The following GRAMD4 variants were observed in gnomAD, a reference collection of about 807,000 sequenced individuals.
GRAMD4 encodes the protein GRAM domain containing 4, also known as GRAM domain-containing protein 4.
A neutral mutation model predicts 83.9 loss-of-function variants in GRAMD4; 25 were observed. That is an observed-to-expected ratio of 0.30 (90% CI 0.22 to 0.42). GRAMD4 has a LOEUF of 0.42. Among genes scored for constraint, GRAMD4 ranks in the 10% least tolerant of loss-of-function variants. The probability of loss-of-function intolerance (pLI) is 1.00; values close to 1 mark genes in which losing one functional copy is unlikely to be tolerated. For synonymous variants in GRAMD4, 336 were observed against 320.9 expected, an observed-to-expected ratio of 1.05 and a Z score of -0.50; for missense variants, 593 against 788.7, an observed-to-expected ratio of 0.75 and a Z score of 2.97.
intron 1 of GRAMD4, among the ~76,000 whole-genome samples, chr22:46,614,103 G>C (rs150302568): frequency 6.6e-6 from 1 of 152,338 alleles, no homozygotes; most frequent in African/African-American, 2.4e-5. Context: ...CTTGCAGTTA[G>C]ATCAATTATG....
chr22:46,623,165 C>T (rs1337344506), intron 1 of GRAMD4, among the ~76,000 whole-genome samples: 1 of 152,062 alleles, frequency 6.6e-6, no homozygotes, highest in East Asian at 1.9e-4. Flanking sequence ...CATCCCTTTA[C>T]AAGGACGGGG....
At position 46,622,413 on chromosome 22, in the gene GRAMD4, T is replaced by C. The variant is rs539586909; in HGVS notation, c.-50+1848T>C. On this transcript the variant is annotated intron_variant, in intron 1 of 18. Coordinates refer to ENST00000406902, the MANE Select transcript of GRAMD4 (RefSeq NM_015124.5). This position sits in a 1 kb window ranked among gnomAD's most constrained non-coding sequence, Gnocchi z 4.0. ...CCGGGTTTTTGAAAATGGAAGGAAG[T>C]AGGTTTTACATTGCTACACTTCCCC... Among the ~76,000 whole-genome samples the C allele has an allele frequency of 6.6e-6, 1 of 152,158 alleles. No homozygotes were observed. The highest frequency in any genetic ancestry group is 2.1e-4 in the South Asian group (1 of 4,814).
intron 2 of GRAMD4, among the ~76,000 whole-genome samples, chr22:46,632,024 C>A (rs1195492522): frequency 6.6e-6 from 1 of 152,252 alleles, no homozygotes; most frequent in Non-Finnish European, 1.5e-5. Context: ...TGTGTCTTTT[C>A]ATCTCTGGCC....
intron 1 of GRAMD4, among the ~76,000 whole-genome samples, chr22:46,594,251 G>A (rs2081238434): frequency 6.6e-6 from 1 of 151,786 alleles, no homozygotes; most frequent in African/African-American, 2.4e-5. Context: ...TTCTCTGCCT[G>A]GGTCCACACT....
At chr22:46,636,871 A>G (rs1162846116) in intron 2 of GRAMD4, among the ~76,000 whole-genome samples, 1 of 152,002 alleles carries the variant, frequency 6.6e-6, no homozygotes, top group East Asian at 1.9e-4. Flanking sequence ...GTAGCCTGTA[A>G]CTCGAGCCCG....
At chr22:46,654,583 G>A (rs1429059434) in intron 3 of GRAMD4, among the ~76,000 whole-genome samples, 2 of 152,220 alleles carry the variant, frequency 1.3e-5, no homozygotes, top group African/African-American at 4.8e-5. Context: ...GCAGGGGGTG[G>A]GGTTTGTGGA....
At chr22:46,630,997 C>T (rs978179249) in intron 2 of GRAMD4, among the ~76,000 whole-genome samples, 1 of 152,170 alleles carries the variant, frequency 6.6e-6, no homozygotes, top group East Asian at 1.9e-4. Context: ...TGTGCCCCCA[C>T]CCCGGCCTCC....
intron 3 of GRAMD4, among the ~76,000 whole-genome samples, chr22:46,653,355 A>G (rs986064183): frequency 4.6e-5 from 7 of 152,148 alleles, no homozygotes; most frequent in Non-Finnish European, 7.4e-5. Context: ...TGGCGTTCAC[A>G]TTTGTCAGGG....
chr22:46,607,637 GT>G (rs1228174472), intron 1 of GRAMD4, among the ~76,000 whole-genome samples: 1 of 152,168 alleles, frequency 6.6e-6, no homozygotes, highest in Non-Finnish European at 1.5e-5. Context: ...GCCCGCACCA[GT>G]CCCAGCCACC....
chr22:46,644,215 A>ATGTTACACCTGTCCCTGTTCCG (rs1218259438), intron 3 of GRAMD4, among the ~76,000 whole-genome samples: 12 of 150,718 alleles, frequency 8.0e-5, no homozygotes, highest in Admixed American at 1.3e-4. Context: ...TCCCTGTTCC[A>ATGTTACACCTGTCCCTGTTCCG]TGTTACACCT....
At chr22:46,581,942 G>A (rs2081102953) in intron 1 of GRAMD4, among the ~76,000 whole-genome samples, 1 of 152,216 alleles carries the variant, frequency 6.6e-6, no homozygotes, top group Non-Finnish European at 1.5e-5. Context: ...CTTGAGAGCT[G>A]GCTCTGGCCT....
intron 3 of GRAMD4, among the ~76,000 whole-genome samples, chr22:46,644,245 ACTGTCCCTGTTCCGTATTACAT>A (rs2082032313): frequency 2.4e-5 from 3 of 123,104 alleles, no homozygotes; most frequent in Admixed American, 7.9e-5. Context: ...CCGTGTTACA[ACTGTCCCTGTTCCGTATTACAT>A]CTGTCCCTGT....
At chr22:46,623,087 C>T (rs1224335982) in intron 1 of GRAMD4, among the ~76,000 whole-genome samples, 4 of 152,100 alleles carry the variant, frequency 2.6e-5, no homozygotes, top group African/African-American at 9.7e-5. Context: ...CCCCATAGCG[C>T]CCGAGTCTCT....
In GRAMD4 at chr22:46,672,662, C is replaced by T. The variant is rs2082528099; in HGVS notation, c.1085-181C>T. ...TTGAGACTGTGCAGCACGAATGGGC[C>T]CCAGGGGAGCGAGGCTGGGGGTATC... On this transcript the variant is annotated intron_variant, in intron 13 of 18. Transcript: ENST00000406902. The surrounding 1 kb of genome is among the most constrained non-coding windows in gnomAD (Gnocchi z 4.7). Among the ~76,000 whole-genome samples, 1 of 151,796 alleles carries T rather than the reference C, an allele frequency of 6.6e-6. No homozygotes were observed. Among genetic ancestry groups the T allele is most frequent in the Non-Finnish European group, 1.5e-5 (1 of 67,926 alleles).
At chr22:46,669,330 G>A (rs1224784415) in intron 13 of GRAMD4, among the ~76,000 whole-genome samples, 4 of 152,102 alleles carry the variant, frequency 2.6e-5, no homozygotes, top group South Asian at 2.1e-4. Flanking sequence ...GTGACATCAC[G>A]TGAAGCCAAG....
At chr22:46,665,424 G>A (rs1463981751) in intron 8 of GRAMD4, among the ~76,000 whole-genome samples, 191 bp from the exon 9 acceptor site, 1 of 152,204 alleles carries the variant, frequency 6.6e-6, no homozygotes, top group Non-Finnish European at 1.5e-5. Context: ...TTCCACCGGC[G>A]GCTCTTAAAC....
rs1471423666 is a variant in GRAMD4, at chr22:46,583,957, G to A, written c.-50+6667G>A. The stretch of plus-strand genomic sequence containing the variant: ...CTGATGTGGCCTTCTTCTTCAGGGG[G>A]GTCTGTCTCTTCTCCCCATTTATCA... On this transcript the variant is annotated intron_variant, in intron 1 of 1. Coordinates refer to the GRAMD4 transcript ENST00000431155. Among the ~76,000 whole-genome samples the A allele has an allele frequency of 1.3e-5, 2 of 152,138 alleles. 1 individual carries two copies. Among genetic ancestry groups the A allele is most frequent in the South Asian group, 4.1e-4 (2 of 4,828 alleles).
intron 3 of GRAMD4, among the ~76,000 whole-genome samples, chr22:46,643,235 C>T: frequency 6.6e-6 from 1 of 151,484 alleles, no homozygotes; most frequent in African/African-American, 2.4e-5. Context: ...CTGGATCCAT[C>T]CATCTATCCA....
intron 1 of GRAMD4, among the ~76,000 whole-genome samples, chr22:46,592,774 G>A (rs764921214): frequency 6.8e-4 from 104 of 152,022 alleles, no homozygotes; most frequent in Middle Eastern, 3.4e-3. Context: ...GGATGTGGCC[G>A]GCATCGTGGA....
Sources: allele counts gnomAD v4.1 joint callset (sites outside exome capture counted in the v4.1 genomes callset), GRCh38; gene constraint gnomAD v4.1.1; non-coding constraint Gnocchi (gnomAD v3.1); transcripts MANE v1.5; gene names NCBI Gene and HGNC (gene_info 2026-07-23, HGNC 2026-07-21).